Variants in CSDC2 observed in about 807,000 individuals in gnomAD.
The protein encoded by CSDC2 is cold shock domain containing C2, also known as cold shock domain-containing protein C2.
In CSDC2, 8 loss-of-function variants were observed where a neutral mutation model predicts 15.8. The observed-to-expected ratio is 0.51, with a 90% CI of 0.30 to 0.92. The LOEUF (loss-of-function observed/expected upper bound fraction) is 0.92, where lower values mean the gene tolerates loss of function less well. Ranked by LOEUF, CSDC2 falls within the 40% of genes least tolerant of loss-of-function variation. CSDC2 has a pLI of 0.07. For missense variants in CSDC2, 195 were observed against 213.3 expected (o/e 0.91, Z 0.53); for synonymous variants, 96 against 92.3 (o/e 1.04, Z -0.23).
In CSDC2 at chr22:41,572,063, G is replaced by A; in HGVS notation, c.98G>A (p.Arg33Lys). The change falls in exon 2 of 4, where the codon AGG (arginine) becomes AAG (lysine). Residue 33 changes from arginine to lysine, a missense_variant. Physicochemically the swap from Arg to Lys is conservative, Grantham distance 26 (BLOSUM62 2). Coordinates refer to ENST00000306149, the MANE Select transcript of CSDC2 (RefSeq NM_014460.4). ...PTFPFHREGSRVWERGGVPPR... is the reference protein window; with the variant it reads ...PTFPFHREGSKVWERGGVPPR... Reference sequence around the variant, plus strand: ...TTCCCCTTCCACAGGGAGGGCAGCAGGGTCTGGGAGCGGGGTGGTGTCCCA... The same window carrying A: ...TTCCCCTTCCACAGGGAGGGCAGCAAGGTCTGGGAGCGGGGTGGTGTCCCA... 3 of 1,362,674 alleles carry A rather than the reference G, an allele frequency of 2.2e-6. No homozygotes were observed. The highest frequency in any genetic ancestry group is 2.8e-6 in the Non-Finnish European group (3 of 1,054,586). 84.4% of individuals were successfully genotyped at this position (1,362,674 alleles called of 1,614,324 possible). A position where few individuals can be genotyped will look rare whatever the true frequency, so the allele number is the denominator to read the frequency against.
intron 1 of CSDC2, among the ~76,000 whole-genome samples, chr22:41,565,715 G>C (rs1279302412): frequency 6.6e-6 from 1 of 152,338 alleles, no homozygotes; most frequent in East Asian, 1.9e-4. Flanking sequence ...TGCCAAGAAG[G>C]CTGAGTCACC....
chr22:41,566,055 A>G, intron 1 of CSDC2, among the ~76,000 whole-genome samples: 1 of 151,668 alleles, frequency 6.6e-6, no homozygotes, highest in Admixed American at 6.6e-5. Context: ...CTGAAATCCC[A>G]GCACTTTGGG....
At chr22:41,572,343 T>TCCATCCAC (rs2067149550) in intron 2 of CSDC2, among the ~76,000 whole-genome samples, 1 of 71,626 alleles carries the variant, frequency 1.4e-5, no homozygotes, top group African/African-American at 6.3e-5. Context: ...CATCCATCCA[T>TCCATCCAC]CCACCCACCC....
At chr22:41,574,154 C>CG (rs1214104943) in intron 3 of CSDC2, among the ~76,000 whole-genome samples, 4 of 152,190 alleles carry the variant, frequency 2.6e-5, no homozygotes, top group Non-Finnish European at 4.4e-5. Context: ...CCAGGAGGAC[C>CG]GGGGGAGGTC....
intron 1 of CSDC2, among the ~76,000 whole-genome samples, chr22:41,568,829 A>G (rs913397908): frequency 2.6e-5 from 4 of 152,100 alleles, no homozygotes; most frequent in East Asian, 1.9e-4. Context: ...GCTGCCCTCG[A>G]CCCTGGCCCA....
At chr22:41,564,774 C>T (rs1213048872) in intron 1 of CSDC2, among the ~76,000 whole-genome samples, 1 of 152,124 alleles carries the variant, frequency 6.6e-6, no homozygotes, top group Admixed American at 6.6e-5. Context: ...AAGGTGAGGT[C>T]CAGAGAGGAG....
rs889998692 is a variant in CSDC2, at chr22:41,564,143, G to A, written c.-124+2960G>A. ...GTGTACTAATGGTAGTTACTGCATC[G>A]GGTTCTTATGAGTACGAAATGAAAA... On this transcript the variant is annotated intron_variant, in intron 1 of 3. Coordinates refer to ENST00000306149, the MANE Select transcript of CSDC2 (RefSeq NM_014460.4). Among the ~76,000 whole-genome samples, 82 of 151,672 alleles carry A rather than the reference G, an allele frequency of 5.4e-4. 1 individual carries two copies. The highest frequency in any genetic ancestry group is 6.8e-3 in the Middle Eastern group (2 of 294).
At chr22:41,572,276 T>A (rs2067148793) in intron 2 of CSDC2, 135 bp downstream of exon 2, 1 of 664,304 alleles carries the variant, frequency 1.5e-6, no homozygotes, top group Admixed American at 4.4e-5. Context: ...ACTGGATGGA[T>A]GTTTGTCCCA....
rs532408485 is a variant in CSDC2, at chr22:41,574,922, C to G, written c.*27C>G. The stretch of plus-strand genomic sequence containing the variant: ...CTGAGTGGTTCACAGGCCAGCTGGC[C>G]GGGGGTTGGGGAGCCACACAGGGTG... On this transcript the variant is annotated 3_prime_UTR_variant, in exon 4 of 4. Coordinates refer to ENST00000306149, the MANE Select transcript of CSDC2 (RefSeq NM_014460.4). 8 of 1,559,614 alleles carry G rather than the reference C, an allele frequency of 5.1e-6. No individual in the cohort carries two copies. Among genetic ancestry groups the G allele is most frequent in the East Asian group, 2.4e-5 (1 of 41,652 alleles).
intron 1 of CSDC2, among the ~76,000 whole-genome samples, chr22:41,568,985 C>A (rs1367419572): frequency 6.6e-6 from 1 of 152,262 alleles, no homozygotes; most frequent in East Asian, 1.9e-4. Context: ...TGAGCTGCAT[C>A]TCCCCCTCTC....
intron 2 of CSDC2, among the ~76,000 whole-genome samples, chr22:41,572,378 A>ACCTATCCG (rs2067150812): frequency 1.9e-5 from 1 of 52,970 alleles, no homozygotes. Flanking sequence ...CCACCCACCC[A>ACCTATCCG]CCCACCCACC....
chr22:41,562,697 A>G (rs2067093530), intron 1 of CSDC2, among the ~76,000 whole-genome samples: 1 of 152,142 alleles, frequency 6.6e-6, no homozygotes, highest in Non-Finnish European at 1.5e-5. Flanking sequence ...GGCAGCCAGG[A>G]CCCAGAGCCT....
intron 1 of CSDC2, among the ~76,000 whole-genome samples, chr22:41,567,019 A>G (rs896696011): frequency 1.3e-5 from 2 of 151,864 alleles, no homozygotes; most frequent in African/African-American, 4.8e-5. Flanking sequence ...CTGCCCTCTT[A>G]CCTGACTGCT....
At chr22:41,565,501 C>CTGTAATCCTA (rs1048242075) in intron 1 of CSDC2, among the ~76,000 whole-genome samples, 4 of 150,000 alleles carry the variant, frequency 2.7e-5, no homozygotes, top group Non-Finnish European at 4.4e-5. Flanking sequence ...GTGACTCACA[C>CTGTAATCCTA]TGTAATCCTA....
At chr22:41,571,518 G>A (rs2067144969) in intron 1 of CSDC2, among the ~76,000 whole-genome samples, 1 of 152,202 alleles carries the variant, frequency 6.6e-6, no homozygotes, top group South Asian at 2.1e-4. Flanking sequence ...AGGTGACAAA[G>A]CTAAGGTTTG....
intron 2 of CSDC2, among the ~76,000 whole-genome samples, chr22:41,572,347 CCCACCCACCCACCCA>C (rs2067149691): frequency 2.5e-5 from 1 of 39,762 alleles, no homozygotes; most frequent in African/African-American, 9.8e-5. Context: ...CATCCATCCA[CCCACCCACCCACCCA>C]CCCACCCACC....
At chr22:41,570,367 G>C (rs981749828) in intron 1 of CSDC2, among the ~76,000 whole-genome samples, 1 of 152,138 alleles carries the variant, frequency 6.6e-6, no homozygotes, top group Non-Finnish European at 1.5e-5. Context: ...AATTCCACTT[G>C]CTGTATAATC....
intron 1 of CSDC2, among the ~76,000 whole-genome samples, chr22:41,564,132 G>A (rs1335132287): frequency 1.3e-5 from 2 of 151,052 alleles, no homozygotes; most frequent in Non-Finnish European, 2.9e-5. Context: ...ACTAATGGTA[G>A]TTACTGCATC....
chr22:41,564,474 A>C (rs767407012), intron 1 of CSDC2, among the ~76,000 whole-genome samples: 1 of 151,908 alleles, frequency 6.6e-6, no homozygotes, highest in Non-Finnish European at 1.5e-5. Context: ...GTTAGCCAGG[A>C]TGGTCTCAAT....
Sources: gnomAD v4.1 joint callset for allele counts (sites outside exome capture counted in the v4.1 genomes callset) on GRCh38, gnomAD v4.1.1 for gene constraint, MANE v1.5 for transcripts, NCBI Gene and HGNC (gene_info 2026-07-23, HGNC 2026-07-21) for gene names.